The following PLPPR1 variants were observed in gnomAD, a reference collection of about 807,000 sequenced individuals.
PLPPR1 encodes the protein phospholipid phosphatase related 1.
Under a neutral mutation model 33.1 loss-of-function variants are expected in PLPPR1, and 10 were observed. The ratio of observed to expected loss-of-function variants is 0.30; its 90% confidence interval spans 0.19 to 0.51. The LOEUF is 0.51. Among genes scored for constraint, PLPPR1 ranks in the 20% least tolerant of loss-of-function variants. The pLI, the probability that PLPPR1 is intolerant of heterozygous loss-of-function variation, is 0.97. For synonymous variants in PLPPR1, 151 were observed against 151.0 expected, an observed-to-expected ratio of 1.00 and a Z score of 0.00; for missense variants, 304 against 408.1, an observed-to-expected ratio of 0.74 and a Z score of 2.20.
intron 1 of PLPPR1, among the ~76,000 whole-genome samples, chr9:101,177,306 T>G (rs1343467152): frequency 5.9e-5 from 9 of 152,212 alleles, no homozygotes; most frequent in Admixed American, 5.9e-4. Flanking sequence ...ATGTACTGTT[T>G]TCAGTGCAGA....
At chr9:101,131,752 G>A (rs1466299703) in intron 1 of PLPPR1, 1 of 152,246 alleles carries the variant, frequency 6.6e-6, no homozygotes, top group Non-Finnish European at 1.5e-5. Context: ...GAAACAGGTA[G>A]TGAAGAACTT....
chr9:101,258,492 A>C (rs769881600), intron 2 of PLPPR1, among the ~76,000 whole-genome samples: 97 of 152,210 alleles, frequency 6.4e-4, no homozygotes, highest in Non-Finnish European at 1.2e-3. Context: ...ACCTCAAGTT[A>C]GCACCAAAAT....
At chr9:101,167,556 A>G (rs1166520271) in intron 1 of PLPPR1, among the ~76,000 whole-genome samples, 1 of 151,982 alleles carries the variant, frequency 6.6e-6, no homozygotes, top group Non-Finnish European at 1.5e-5. Flanking sequence ...AATGATCCTC[A>G]TCTCTTGAGT....
intron 1 of PLPPR1, among the ~76,000 whole-genome samples, chr9:101,135,358 A>T (rs1831365837): frequency 6.6e-6 from 1 of 152,198 alleles, no homozygotes; most frequent in Non-Finnish European, 1.5e-5. Flanking sequence ...TCAGGTATTG[A>T]TTCCCAGGCA....
At chr9:101,094,104 T>G (rs1285393102) in intron 1 of PLPPR1, among the ~76,000 whole-genome samples, 1 of 152,188 alleles carries the variant, frequency 6.6e-6, no homozygotes, top group Admixed American at 6.5e-5. Flanking sequence ...TCTCCGGATA[T>G]TCTTCATATG....
intron 4 of PLPPR1, among the ~76,000 whole-genome samples, chr9:101,303,994 G>T (rs1378347543): frequency 1.3e-5 from 2 of 152,084 alleles, no homozygotes; most frequent in Non-Finnish European, 2.9e-5. Flanking sequence ...CCAATAAAAA[G>T]TATTTGTTGT....
At position 101,084,544 on chromosome 9, in the gene PLPPR1, C is replaced by T. The variant is rs117062062; in HGVS notation, c.-46+55442C>T. On this transcript the variant is annotated intron_variant, in intron 1 of 7. Transcript: ENST00000374874. ...CAAGTTTATAAAGGAGAAGTAAAGT[C>T]TCTGGCTTTTGTTAGGAAAGAAAAA... Among the ~76,000 whole-genome samples the T allele has an allele frequency of 9.7e-3, 1,484 of 152,214 alleles. 71 individuals carry two copies. In the East Asian group the frequency reaches 0.16, roughly 16 times the overall value.
At chr9:101,214,927 G>A (rs1398501691) in intron 2 of PLPPR1, among the ~76,000 whole-genome samples, 1 of 150,928 alleles carries the variant, frequency 6.6e-6, no homozygotes, top group Non-Finnish European at 1.5e-5. Flanking sequence ...GGAGGCTGAG[G>A]CAGGAGAATC....
At chr9:101,182,274 C>G (rs1303168342) in intron 1 of PLPPR1, among the ~76,000 whole-genome samples, 3 of 151,400 alleles carry the variant, frequency 2.0e-5, no homozygotes, top group African/African-American at 2.4e-5. Context: ...AGATGTTGAT[C>G]AAAGGGTGTA....
chr9:101,120,870 A>G (rs936026116), intron 1 of PLPPR1, among the ~76,000 whole-genome samples: 8 of 152,194 alleles, frequency 5.3e-5, no homozygotes, highest in Non-Finnish European at 1.2e-4. Flanking sequence ...CATTGGACAT[A>G]TGGTGGCTTA....
At chr9:101,064,720 G>T (rs1432787076) in intron 1 of PLPPR1, among the ~76,000 whole-genome samples, 1 of 152,004 alleles carries the variant, frequency 6.6e-6, no homozygotes, top group Non-Finnish European at 1.5e-5. Flanking sequence ...TATAAAAAAT[G>T]TATTTCTTAC....
chr9:101,212,178 G>A (rs1826703765), intron 2 of PLPPR1, among the ~76,000 whole-genome samples: 1 of 152,010 alleles, frequency 6.6e-6, no homozygotes, highest in Non-Finnish European at 1.5e-5. Flanking sequence ...TGCTTCCTGG[G>A]TTCAAGTGAT....
chr9:101,058,299 G>A lies in PLPPR1; in HGVS notation c.-46+29197G>A, dbSNP rs1054732206. Among the ~76,000 whole-genome samples the A allele has an allele frequency of 3.3e-5, 5 of 151,234 alleles. No individual in the cohort carries two copies. In the East Asian group the frequency reaches 9.8e-4, roughly 30 times the overall value. On this transcript the variant is annotated intron_variant, in intron 1 of 7. Transcript: ENST00000374874. ...CCATGTGATGATGAGAACTAACAGA[G>A]CCGTTTGTGAGCTCACATAAGATAC... is the stretch of plus-strand genomic sequence containing the variant.
chr9:101,145,418 G>A (rs1256192496), intron 1 of PLPPR1, among the ~76,000 whole-genome samples: 1 of 151,916 alleles, frequency 6.6e-6, no homozygotes, highest in African/African-American at 2.4e-5. Flanking sequence ...TTTTGCTCTT[G>A]TCACTGAGAC....
chr9:101,153,834 C>T (rs994014563), intron 1 of PLPPR1, among the ~76,000 whole-genome samples: 4 of 151,978 alleles, frequency 2.6e-5, no homozygotes, highest in African/African-American at 9.7e-5. Context: ...CCGCCCACCT[C>T]GGCCTCCCAA....
At chr9:101,067,393 T>TTTGTAAAACAAATATGGTTCTTG (rs1830431653) in intron 1 of PLPPR1, among the ~76,000 whole-genome samples, 1 of 152,056 alleles carries the variant, frequency 6.6e-6, no homozygotes, top group Non-Finnish European at 1.5e-5. Flanking sequence ...GGCTGTGAAT[T>TTTGTAAAACAAATATGGTTCTTG]TTGTAAAACA....
At chr9:101,308,009 C>G (rs1828885854) in intron 4 of PLPPR1, among the ~76,000 whole-genome samples, 1 of 152,196 alleles carries the variant, frequency 6.6e-6, no homozygotes, top group Non-Finnish European at 1.5e-5. Flanking sequence ...CTTGTTGGGG[C>G]TAATCCTCTG....
Position 101,286,304 on chromosome 9 carries a change from T to A in PLPPR1, c.385+68T>A, listed in dbSNP as rs181109315. 4.6e-4 allele frequency: 647 copies of A among 1,411,770 alleles called. 6 individuals are homozygous for A. The South Asian group carries it at 7.0e-3, about 15-fold the overall frequency. The allele number at this position is 1,411,770 out of a possible 1,614,324, so 87.5% of individuals were successfully genotyped here. On this transcript the variant is annotated intron_variant, in intron 4 of 7. Transcript: ENST00000374874. The stretch of plus-strand genomic sequence containing the variant: ...AAAATTACTAAAGGCAAACACTTGG[T>A]AAAATAAACTATGGAAGTATCAACA...
At chr9:101,046,045 C>T (rs1830139414) in intron 1 of PLPPR1, among the ~76,000 whole-genome samples, 1 of 152,166 alleles carries the variant, frequency 6.6e-6, no homozygotes, top group Non-Finnish European at 1.5e-5. Flanking sequence ...AACTAACCAA[C>T]ACTGGTTTAC....
Sources: allele counts gnomAD v4.1 joint callset (sites outside exome capture counted in the v4.1 genomes callset), GRCh38; gene constraint gnomAD v4.1.1; transcripts MANE v1.5; gene names NCBI Gene and HGNC (gene_info 2026-07-23, HGNC 2026-07-21).